EGFR: variants seen among roughly 807,000 people sequenced by gnomAD.
EGFR encodes the protein avian erythroblastic leukemia viral (v-erb-b) oncogene homolog.
Under a neutral mutation model 143.0 loss-of-function variants are expected in EGFR, and 58 were observed. The ratio of observed to expected loss-of-function variants is 0.41; its 90% CI spans 0.33 to 0.50. The LOEUF (loss-of-function observed/expected upper bound fraction) is 0.50. EGFR is among the 20% of genes least tolerant of loss of function. The probability of loss-of-function intolerance (pLI) is 0.39; values close to 1 mark genes in which losing one functional copy is unlikely to be tolerated. For synonymous variants in EGFR, 613 were observed against 594.4 expected, an observed-to-expected ratio of 1.03 and a Z score of -0.45; for missense variants, 1,307 against 1,579.0, an observed-to-expected ratio of 0.83 and a Z score of 2.92.
At chr7:55,198,927 C>T (rs2128969063) in intron 23 of EGFR, 64 bp downstream of exon 23, 1 of 1,599,952 alleles carries the variant, frequency 6.3e-7, no homozygotes, top group Non-Finnish European at 8.5e-7. Context: ...CTTAGCCAAA[C>T]AGCTGAGGCC....
At chr7:55,127,075 AC>A (rs1211634890) in intron 1 of EGFR, among the ~76,000 whole-genome samples, 1 of 152,216 alleles carries the variant, frequency 6.6e-6, no homozygotes, top group Admixed American at 6.5e-5. Flanking sequence ...AGCTCCTCTG[AC>A]CCACGCACAT....
At chr7:55,192,344 A>G (rs946619619) in intron 21 of EGFR, among the ~76,000 whole-genome samples, 1 of 151,768 alleles carries the variant, frequency 6.6e-6, no homozygotes. Context: ...TCTCTTAGGG[A>G]CCCTCACAGC....
intron 4 of EGFR, among the ~76,000 whole-genome samples, chr7:55,147,123 A>T (rs1283839295): frequency 6.6e-6 from 1 of 152,200 alleles, no homozygotes; most frequent in Non-Finnish European, 1.5e-5. Flanking sequence ...GCCCTCCTGA[A>T]GCACCAGGGC....
At chr7:55,204,005 G>A (rs1283666967) in intron 27 of EGFR, among the ~76,000 whole-genome samples, 1 of 150,898 alleles carries the variant, frequency 6.6e-6, no homozygotes, top group Non-Finnish European at 1.5e-5. Flanking sequence ...TATAACATAT[G>A]TAAGTTATAT....
intron 13 of EGFR, among the ~76,000 whole-genome samples, chr7:55,163,375 A>C (rs1459532023): frequency 6.6e-6 from 1 of 152,134 alleles, no homozygotes; most frequent in Admixed American, 6.5e-5. Flanking sequence ...ACTTAATCTA[A>C]AATTATCATT....
intron 1 of EGFR, among the ~76,000 whole-genome samples, chr7:55,133,853 G>A (rs1283065219): frequency 1.3e-5 from 2 of 152,224 alleles, no homozygotes; most frequent in Non-Finnish European, 2.9e-5. Flanking sequence ...TGCAAGCACC[G>A]GCCTGGCCCA....
intron 1 of EGFR, among the ~76,000 whole-genome samples, chr7:55,091,236 G>C (rs1002920874): frequency 6.6e-6 from 1 of 152,194 alleles, no homozygotes; most frequent in South Asian, 2.1e-4. Context: ...TGAATGAAAA[G>C]GATCAGTCAT....
chr7:55,047,693 G>A (rs1562667399), intron 1 of EGFR, among the ~76,000 whole-genome samples: 1 of 152,208 alleles, frequency 6.6e-6, no homozygotes, highest in Non-Finnish European at 1.5e-5. Context: ...GGAGGTTGCA[G>A]TGAGCTGAGA....
chr7:55,029,943 T>G (rs1787155306), intron 1 of EGFR, among the ~76,000 whole-genome samples: 1 of 152,222 alleles, frequency 6.6e-6, no homozygotes, highest in South Asian at 2.1e-4. Flanking sequence ...AACATTGATG[T>G]CATAATAATA....
At chr7:55,043,014 C>G (rs1262253675) in intron 1 of EGFR, among the ~76,000 whole-genome samples, 6 of 152,062 alleles carry the variant, frequency 3.9e-5, no homozygotes, top group Non-Finnish European at 4.4e-5. Flanking sequence ...TATATTCCAC[C>G]TCTTTCAAAT....
rs2128971662 is a variant in EGFR at position 55,201,286 on chromosome 7, G to A, written c.3045G>A (p.Glu1015=). The stretch of plus-strand genomic sequence containing the variant: ...TGGACGACGTGGTGGATGCCGACGA[G>A]TACCTCATCCCACAGCAGGGCTTCT... ...EDMDDVVDAD[E]YLIPQQGFFS... Residue 1015 remains glutamate (E), a synonymous_variant, in exon 25 of 28, where the codon GAG becomes GAA. Coordinates refer to ENST00000275493, the MANE Select transcript of EGFR (RefSeq NM_005228.5). 1 of 1,614,124 alleles carries A rather than the reference G, an allele frequency of 6.2e-7. No homozygotes were observed. Among genetic ancestry groups the A allele is most frequent in the South Asian group, 1.1e-5 (1 of 91,070 alleles).
chr7:55,186,102 A>G (rs1007556681), intron 20 of EGFR, among the ~76,000 whole-genome samples: 3 of 152,202 alleles, frequency 2.0e-5, no homozygotes, highest in Non-Finnish European at 4.4e-5. Context: ...CAGGCCACTC[A>G]GGCCTATTCC....
At chr7:55,160,882 A>G (rs528750073) in intron 12 of EGFR, among the ~76,000 whole-genome samples, 2 of 152,328 alleles carry the variant, frequency 1.3e-5, no homozygotes, top group East Asian at 1.9e-4. Context: ...TTCCTCATCC[A>G]TAGAATGGAG....
intron 1 of EGFR, among the ~76,000 whole-genome samples, chr7:55,126,894 G>A (rs948794056): frequency 3.9e-5 from 6 of 152,118 alleles, no homozygotes; most frequent in Non-Finnish European, 7.4e-5. Context: ...GGTTTACTAA[G>A]GATCATACCG....
rs185002163 is a variant in EGFR at position 55,146,454 on chromosome 7, G to A, written c.425-152G>A. 197 of 1,211,188 alleles carry A rather than the reference G, an allele frequency of 1.6e-4. No individual in the cohort carries two copies. In the African/African-American group the frequency reaches 1.7e-3, roughly 10 times the overall value. 75.0% of individuals were successfully genotyped at this position (1,211,188 alleles called of 1,614,324 possible). A position where few individuals can be genotyped will look rare whatever the true frequency, so the allele number is the denominator to read the frequency against. Reference sequence around the variant, plus strand: ...CCATCATTAACAATTTTATCTGGCCGCCCCCCGGGAAGTTCACTGGGCTAA... The same window carrying A: ...CCATCATTAACAATTTTATCTGGCCACCCCCCGGGAAGTTCACTGGGCTAA... On this transcript the variant is annotated intron_variant, in intron 3 of 27. Transcript: ENST00000275493.
intron 1 of EGFR, among the ~76,000 whole-genome samples, chr7:55,083,673 G>A (rs1461175954): frequency 2.6e-5 from 4 of 152,156 alleles, no homozygotes; most frequent in African/African-American, 4.8e-5. Context: ...TGAAGAAAGC[G>A]AATCTTTTTC....
intron 1 of EGFR, among the ~76,000 whole-genome samples, chr7:55,123,705 C>T (rs1793347296): frequency 6.6e-6 from 1 of 152,034 alleles, no homozygotes; most frequent in Non-Finnish European, 1.5e-5. Context: ...ATTCAAATCC[C>T]AGTGGCAGTT....
intron 1 of EGFR, among the ~76,000 whole-genome samples, chr7:55,055,060 G>C (rs910649164): frequency 2.6e-5 from 4 of 152,156 alleles, no homozygotes; most frequent in Non-Finnish European, 4.4e-5. Flanking sequence ...TTCCCCGATG[G>C]GGGGTTTCCC....
chr7:55,031,307 C>T (rs1169841035), intron 1 of EGFR, among the ~76,000 whole-genome samples: 1 of 152,206 alleles, frequency 6.6e-6, no homozygotes, highest in East Asian at 1.9e-4. Context: ...GCCACTGAAC[C>T]TGTAAGTCTT....
Sources: gnomAD v4.1 joint callset for allele counts (sites outside exome capture counted in the v4.1 genomes callset) on GRCh38, gnomAD v4.1.1 for gene constraint, MANE v1.5 for transcripts, NCBI Gene and HGNC (gene_info 2026-07-23, HGNC 2026-07-21) for gene names.